ATP1B2: variants seen among roughly 807,000 people sequenced by gnomAD.
ATP1B2 encodes sodium/potassium-transporting ATPase subunit beta-2.
In ATP1B2, 12 loss-of-function variants were observed where a neutral mutation model predicts 37.3. That is an observed-to-expected ratio of 0.32 (90% confidence interval 0.21 to 0.52). The LOEUF (loss-of-function observed/expected upper bound fraction) is 0.52, where lower values mean the gene tolerates loss of function less well. Ranked by LOEUF, ATP1B2 falls within the 20% of genes least tolerant of loss-of-function variation. The pLI is 0.96. For missense variants in ATP1B2, 324 were observed against 391.6 expected (o/e 0.83, Z 1.46); for synonymous variants, 139 against 140.5 (o/e 0.99, Z 0.07).
rs775266720 is a variant in ATP1B2, at chr17:7,655,784, C to T, written c.762C>T (p.Asn254=). ...VAVKFLNVTP[N]VEVNVECRIN... ...TGAAGTTCCTGAATGTGACCCCCAA[C>T]GTGGAGGTGAATGTAGAATGTCGCA... The change falls in exon 7 of 7, where the codon AAC becomes AAT. Residue 254 remains asparagine (N), a synonymous_variant. Coordinates refer to ENST00000250111, the MANE Select transcript of ATP1B2 (RefSeq NM_001678.5). This position sits in a 1 kb window ranked among gnomAD's most constrained non-coding sequence, Gnocchi z 4.4. 45 of 1,614,034 alleles carry T rather than the reference C, an allele frequency of 2.8e-5. No homozygotes were observed. Among genetic ancestry groups the T allele is most frequent in the Non-Finnish European group, 3.6e-5 (43 of 1,180,038 alleles).
Position 7,654,775 on chromosome 17 carries a change from ATCT to A in ATP1B2, c.609+96_609+98del. The A allele has an allele frequency of 1.4e-6, 2 of 1,459,386 alleles. No homozygotes were observed. The highest frequency in any genetic ancestry group is 1.9e-6 in the Non-Finnish European group (2 of 1,042,106). 90.4% of individuals were successfully genotyped at this position (1,459,386 alleles called of 1,614,324 possible). The stretch of plus-strand genomic sequence containing the variant: ...CTGTGTAATTCACCTGTCTCTCCCT[ATCT>A]TCTTTGCTCCTAGAGGCCCCATCAC... On this transcript the variant is annotated intron_variant, in intron 5 of 6. Transcript: ENST00000250111. This position sits in a 1 kb window ranked among gnomAD's most constrained non-coding sequence, Gnocchi z 4.9.
upstream of ATP1B2, among the ~76,000 whole-genome samples, chr17:7,648,149 A>G (rs2072586491): frequency 6.6e-6 from 1 of 152,094 alleles, no homozygotes; most frequent in Admixed American, 6.6e-5. Context: ...CTGAGACAGA[A>G]GAATTGCTTG....
upstream of ATP1B2, among the ~76,000 whole-genome samples, chr17:7,650,413 C>T (rs1160214844): frequency 2.6e-5 from 4 of 152,084 alleles, no homozygotes; most frequent in African/African-American, 9.7e-5. Flanking sequence ...GGGGAACGTC[C>T]CTCTGGGGGT....
Position 7,654,350 on chromosome 17 carries a change from A to G in ATP1B2, c.552+93A>G. 7.1e-7 allele frequency: 1 copy of G among 1,403,548 alleles called. No individual in the cohort carries two copies. Among genetic ancestry groups the G allele is most frequent in the East Asian group, 2.3e-5 (1 of 43,724 alleles). The allele number at this position is 1,403,548 out of a possible 1,614,324, so 86.9% of individuals were successfully genotyped here. A position where few individuals can be genotyped will look rare whatever the true frequency, so the allele number is the denominator to read the frequency against. On this transcript the variant is annotated intron_variant, in intron 4 of 6. Coordinates refer to ENST00000250111, the MANE Select transcript of ATP1B2 (RefSeq NM_001678.5). The surrounding 1 kb of genome is among the most constrained non-coding windows in gnomAD (Gnocchi z 4.9). Reference sequence around the variant, plus strand: ...CATCCTTTCACTGGGGCTAATGGGCATGAGAAAGACTTGGATGTTTGTGTA... The same window carrying G: ...CATCCTTTCACTGGGGCTAATGGGCGTGAGAAAGACTTGGATGTTTGTGTA...
Position 7,651,633 on chromosome 17 carries a change from A to G in ATP1B2, c.112+3A>G. ...GGGCCGCACCGGGACCAGCTGGGGT[A>G]CGCAGGGCCGGCACGCAAGGGGCGG... On this transcript the variant is annotated splice_donor_region_variant and intron_variant, in intron 1 of 6. Transcript: ENST00000250111. 6.3e-7 allele frequency: 1 copy of G among 1,591,874 alleles called. No individual in the cohort carries two copies. The highest frequency in any genetic ancestry group is 8.5e-7 in the Non-Finnish European group (1 of 1,170,160).
intron 1 of ATP1B2, among the ~76,000 whole-genome samples, chr17:7,651,994 T>C (rs2072617061): frequency 1.3e-5 from 2 of 151,782 alleles, no homozygotes; most frequent in African/African-American, 4.8e-5. Context: ...TCTCACTAGC[T>C]CCGCAGCCCC....
At chr17:7,649,157 A>G (rs1197516674), upstream of ATP1B2, among the ~76,000 whole-genome samples, 1 of 152,042 alleles carries the variant, frequency 6.6e-6, no homozygotes, top group Non-Finnish European at 1.5e-5. Context: ...GGTTCAAGCA[A>G]TTCTCTTGCC....
In ATP1B2 at chr17:7,651,293, G is replaced by T; in HGVS notation, c.-226G>T. On this transcript the variant is annotated 5_prime_UTR_variant, in exon 1 of 7. Transcript: ENST00000250111. ...TCTGACAGCACCCCTTTTCATCGCAGTTGGGGGGCCTAGGATCGGTGCATC... is the reference window on the plus strand; with the variant it reads ...TCTGACAGCACCCCTTTTCATCGCATTTGGGGGGCCTAGGATCGGTGCATC... 1.8e-6 allele frequency: 1 copy of T among 556,568 alleles called. No homozygotes were observed. Among genetic ancestry groups the T allele is most frequent in the Non-Finnish European group, 3.2e-6 (1 of 310,314 alleles). 34.5% of individuals were successfully genotyped at this position (556,568 alleles called of 1,614,324 possible).
At chr17:7,653,684 A>C (rs2072628827) in intron 2 of ATP1B2, among the ~76,000 whole-genome samples, 157 bp from the exon 3 acceptor site, 1 of 152,184 alleles carries the variant, frequency 6.6e-6, no homozygotes, top group African/African-American at 2.4e-5. Flanking sequence ...TGATTTGGGC[A>C]TGTGGCAGAT....
Position 7,654,335 on chromosome 17 carries a change from CTG to C in ATP1B2, c.552+79_552+80del. On this transcript the variant is annotated intron_variant, in intron 4 of 6. Transcript: ENST00000250111. This position sits in a 1 kb window ranked among gnomAD's most constrained non-coding sequence, Gnocchi z 4.9. The stretch of plus-strand genomic sequence containing the variant: ...ACCTGCAGACAATTGCATCCTTTCA[CTG>C]GGGCTAATGGGCATGAGAAAGACTT... 2 of 1,502,136 alleles carry C rather than the reference CTG, an allele frequency of 1.3e-6. No individual in the cohort carries two copies. Among genetic ancestry groups the C allele is most frequent in the Non-Finnish European group, 1.8e-6 (2 of 1,085,896 alleles). 93.1% of individuals were successfully genotyped at this position (1,502,136 alleles called of 1,614,324 possible).
In ATP1B2 at chr17:7,650,960, C is replaced by T. The variant is rs888673336; in HGVS notation, c.-559C>T. Among the ~76,000 whole-genome samples, 87 of 152,178 alleles carry T rather than the reference C, an allele frequency of 5.7e-4. No homozygotes were observed. Among genetic ancestry groups the T allele is most frequent in the African/African-American group, 2.0e-3 (84 of 41,536 alleles). ...AGGAGCGGAGCCTCCGCCTGGGGGG[C>T]CCCCCATCCCTGGCTGTCCCCCAGC... On this transcript the variant is annotated 5_prime_UTR_variant, in exon 1 of 7. Transcript: ENST00000250111.
rs2072636793 is a variant in ATP1B2, at chr17:7,654,540, G to A, written c.553-88G>A. ...CCGCCTCAACCTCCCTAGTAGTTGG[G>A]ACTACAGTCCCCGGCTTAGCTTGGT... On this transcript the variant is annotated intron_variant, in intron 4 of 6. Transcript: ENST00000250111. The surrounding 1 kb of genome is among the most constrained non-coding windows in gnomAD (Gnocchi z 4.9). 4 of 1,422,678 alleles carry A rather than the reference G, an allele frequency of 2.8e-6. No individual in the cohort carries two copies. In the Admixed American group the frequency reaches 6.7e-5, roughly 24 times the overall value. 88.1% of individuals were successfully genotyped at this position (1,422,678 alleles called of 1,614,324 possible).
At chr17:7,651,804 C>G (rs1206513950) in intron 1 of ATP1B2, among the ~76,000 whole-genome samples, 174 bp downstream of exon 1, 1 of 152,096 alleles carries the variant, frequency 6.6e-6, no homozygotes, top group Non-Finnish European at 1.5e-5. Flanking sequence ...CCCGGCTGGC[C>G]GTGCGGAGGC....
Position 7,651,241 on chromosome 17 carries a change from C to A in ATP1B2, c.-278C>A, listed in dbSNP as rs755258539. 1.4e-5 allele frequency: 6 copies of A among 439,360 alleles called. No homozygotes were observed. The highest frequency in any genetic ancestry group is 2.5e-5 in the Non-Finnish European group (6 of 238,742). 27.2% of individuals were successfully genotyped at this position (439,360 alleles called of 1,614,324 possible). On this transcript the variant is annotated 5_prime_UTR_variant, in exon 1 of 7. Transcript: ENST00000250111. ...GGTGGGGGGTGAAGCTGCATTCATA[C>A]CCCTTCCTCTTGTTATTCTCCCCTG... is the stretch of plus-strand genomic sequence containing the variant.
In ATP1B2 at chr17:7,655,635, A is replaced by AGGG. The variant is rs1398504933; in HGVS notation, c.708+12_708+14dup. 1 of 1,614,032 alleles carries AGGG rather than the reference A, an allele frequency of 6.2e-7. No homozygotes were observed. Among genetic ancestry groups the AGGG allele is most frequent in the Non-Finnish European group, 8.5e-7 (1 of 1,180,034 alleles). On this transcript the variant is annotated intron_variant, in intron 6 of 6. Coordinates refer to ENST00000250111, the MANE Select transcript of ATP1B2 (RefSeq NM_001678.5). This position sits in a 1 kb window ranked among gnomAD's most constrained non-coding sequence, Gnocchi z 4.4. The stretch of plus-strand genomic sequence containing the variant: ...TGGCAAAAAGTTCCACGTAAGTCCC[A>AGGG]GGGGAGGCCCAGGCTGATGGCGGGT...
Position 7,655,492 on chromosome 17 carries a change from A to G in ATP1B2, c.610-35A>G, listed in dbSNP as rs774730522. ...AGCTCCTGGGTGCCTGCCATCCCTA[A>G]CTGGCTCACCCCCTATCTTCCTGCA... On this transcript the variant is annotated intron_variant, in intron 5 of 6. Transcript: ENST00000250111. This position sits in a 1 kb window ranked among gnomAD's most constrained non-coding sequence, Gnocchi z 4.4. 13 of 1,608,316 alleles carry G rather than the reference A, an allele frequency of 8.1e-6. No homozygotes were observed.
chr17:7,651,668 G>T, intron 1 of ATP1B2, 38 bp downstream of exon 1: 5 of 1,530,792 alleles, frequency 3.3e-6, no homozygotes, highest in Non-Finnish European at 4.4e-6. Flanking sequence ...GGGGAAAGCC[G>T]CGGGGCGACG....
At position 7,656,187 on chromosome 17, in the gene ATP1B2, C is replaced by T; in HGVS notation, c.*292C>T. On this transcript the variant is annotated 3_prime_UTR_variant, in exon 7 of 7. Transcript: ENST00000250111. ...TCTAGTTCTGGTTTAGCTGTGAGAGCTATCCACTCTCCTGCCTGCATATCC... is the reference window on the plus strand; with the variant it reads ...TCTAGTTCTGGTTTAGCTGTGAGAGTTATCCACTCTCCTGCCTGCATATCC... 6.7e-6 allele frequency: 3 copies of T among 448,782 alleles called. No individual in the cohort carries two copies. In the South Asian group the frequency reaches 7.8e-5, roughly 12 times the overall value. 27.8% of individuals were successfully genotyped at this position (448,782 alleles called of 1,614,324 possible).
intron 1 of ATP1B2, 117 bp downstream of exon 1, chr17:7,651,747 C>T (rs2072614767): frequency 3.5e-6 from 3 of 867,656 alleles, no homozygotes; most frequent in Non-Finnish European, 5.0e-6. Flanking sequence ...TCCAGCCTCC[C>T]TGCCGGGCTC....
Sources: gnomAD v4.1 joint callset for allele counts (sites outside exome capture counted in the v4.1 genomes callset) on GRCh38, gnomAD v4.1.1 for gene constraint, Gnocchi (gnomAD v3.1) non-coding constraint, MANE v1.5 for transcripts, NCBI Gene and HGNC (gene_info 2026-07-23, HGNC 2026-07-21) for gene names.